Variants in NCKAP5 observed in about 807,000 individuals in gnomAD.
The protein encoded by NCKAP5 is nck-associated protein 5.
A neutral mutation model predicts 167.0 loss-of-function variants in NCKAP5; 92 were observed. The ratio of observed to expected loss-of-function variants is 0.55; its 90% confidence interval spans 0.47 to 0.66. The LOEUF is 0.66. Ranked by LOEUF, NCKAP5 falls within the 30% of genes least tolerant of loss-of-function variation. The probability of loss-of-function intolerance (pLI) is 0.00; values close to 1 mark genes in which losing one functional copy is unlikely to be tolerated. For synonymous variants in NCKAP5, 891 were observed against 877.4 expected, an observed-to-expected ratio of 1.02 and a Z score of -0.27; for missense variants, 2,378 against 2,315.0, an observed-to-expected ratio of 1.03 and a Z score of -0.56.
chr2:133,266,304 G>C (rs1416931710), intron 4 of NCKAP5: 1 of 152,438 alleles, frequency 6.6e-6, no homozygotes, highest in Admixed American at 6.5e-5. Context: ...ATGGTAAAGG[G>C]GAAAGGACAG....
At chr2:132,903,177 C>T (rs538321398) in intron 8 of NCKAP5, among the ~76,000 whole-genome samples, 1 of 152,264 alleles carries the variant, frequency 6.6e-6, no homozygotes, top group South Asian at 2.1e-4. Flanking sequence ...CAGCTCCCAC[C>T]CCCCTTGCCA....
chr2:132,788,897 C>T (rs144386935), intron 13 of NCKAP5, among the ~76,000 whole-genome samples: 252 of 152,258 alleles, frequency 1.7e-3, no homozygotes, highest in African/African-American at 5.9e-3. Flanking sequence ...ATACACATTT[C>T]AAATGTCTTC....
At chr2:133,284,066 A>C (rs1189603374) in intron 4 of NCKAP5, among the ~76,000 whole-genome samples, 1 of 152,176 alleles carries the variant, frequency 6.6e-6, no homozygotes, top group Non-Finnish European at 1.5e-5. Context: ...AAAATAATCA[A>C]GAAAACAACA....
At chr2:133,673,406 G>A in the NCKAP5 span, among the ~76,000 whole-genome samples, 18 of 152,058 alleles carry the variant, frequency 1.2e-4, no homozygotes, top group Admixed American at 2.0e-4. Flanking sequence ...AGCTTTCTGC[G>A]TTCACACATG....
chr2:132,935,801 C>G lies in NCKAP5; in HGVS notation c.579+27919G>C, dbSNP rs555219162. The stretch of plus-strand genomic sequence containing the variant: ...GAAGATGGAGTAGAGAGGATGAGTT[C>G]AAAGGCCATGCCAATGACAAGCTAC... On this transcript the variant is annotated intron_variant, in intron 8 of 19. Coordinates refer to ENST00000409261, the MANE Select transcript of NCKAP5 (RefSeq NM_207363.3). Among the ~76,000 whole-genome samples the G allele has an allele frequency of 1.5e-3, 226 of 152,160 alleles. 1 individual carries two copies. Among genetic ancestry groups the G allele is most frequent in the Non-Finnish European group, 2.9e-3 (196 of 68,014 alleles).
intron 4 of NCKAP5, among the ~76,000 whole-genome samples, chr2:133,255,685 G>C (rs1215399108): frequency 6.6e-6 from 1 of 152,198 alleles, no homozygotes. Flanking sequence ...TGGCAGCTAA[G>C]AGTATTAAAA....
At chr2:133,132,237 A>G (rs899766202) in intron 5 of NCKAP5, among the ~76,000 whole-genome samples, 7 of 151,310 alleles carry the variant, frequency 4.6e-5, no homozygotes, top group African/African-American at 1.7e-4. Context: ...CAGTGAGCCG[A>G]GATTACACCA....
chr2:133,234,942 A>G (rs16855557), intron 4 of NCKAP5, among the ~76,000 whole-genome samples: 5,007 of 144,976 alleles, frequency 0.035, 280 homozygotes, highest in African/African-American at 0.12. Context: ...AATTGGCCTT[A>G]AGACAGAAAT....
intron 19 of NCKAP5, among the ~76,000 whole-genome samples, chr2:132,688,095 G>A (rs575263602): frequency 1.3e-5 from 2 of 152,248 alleles, no homozygotes; most frequent in African/African-American, 4.8e-5. Flanking sequence ...ATTAATCTGT[G>A]AATGAATTAT....
chr2:132,803,588 C>T (rs888593026), intron 11 of NCKAP5, among the ~76,000 whole-genome samples: 2 of 152,198 alleles, frequency 1.3e-5, no homozygotes, highest in Non-Finnish European at 2.9e-5. Flanking sequence ...GTCTCTGCAG[C>T]TTAGACTGAT....
chr2:132,707,421 G>A (rs1688467280), intron 19 of NCKAP5, among the ~76,000 whole-genome samples: 1 of 152,224 alleles, frequency 6.6e-6, no homozygotes, highest in South Asian at 2.1e-4. Context: ...AAACTTGAAA[G>A]GCAGTCTGGG....
chr2:133,374,726 C>T (rs777008103), intron 3 of NCKAP5, among the ~76,000 whole-genome samples: 2 of 152,102 alleles, frequency 1.3e-5, no homozygotes, highest in Non-Finnish European at 2.9e-5. Context: ...CTTAAAACTG[C>T]TCTCAAAAAT....
the NCKAP5 span, among the ~76,000 whole-genome samples, chr2:133,579,818 A>C: frequency 1.3e-5 from 2 of 152,156 alleles, no homozygotes; most frequent in Non-Finnish European, 2.9e-5. Flanking sequence ...AGGTATACCC[A>C]GGCCCAATTT....
intron 3 of NCKAP5, among the ~76,000 whole-genome samples, chr2:133,346,708 G>C (rs938800448): frequency 6.6e-5 from 10 of 152,176 alleles, no homozygotes; most frequent in African/African-American, 2.4e-4. Flanking sequence ...CGAAATACAA[G>C]GATGAGAACT....
chr2:132,689,647 T>A (rs955460347), intron 19 of NCKAP5, among the ~76,000 whole-genome samples: 1 of 152,172 alleles, frequency 6.6e-6, no homozygotes, highest in East Asian at 1.9e-4. Flanking sequence ...TATCAGTCTC[T>A]GTCATCTGTC....
At chr2:132,848,856 C>T (rs1688870842) in intron 11 of NCKAP5, among the ~76,000 whole-genome samples, 1 of 152,032 alleles carries the variant, frequency 6.6e-6, no homozygotes, top group South Asian at 2.1e-4. Context: ...TAAAATAAAA[C>T]TTAAAAAGTG....
intron 7 of NCKAP5, among the ~76,000 whole-genome samples, chr2:132,988,019 GT>G (rs2077339279): frequency 6.6e-6 from 1 of 152,164 alleles, no homozygotes; most frequent in African/African-American, 2.4e-5. Context: ...TGCTCAGTAA[GT>G]GTTAGATAGT....
intron 4 of NCKAP5, among the ~76,000 whole-genome samples, chr2:133,250,487 T>C (rs1332468568): frequency 6.6e-6 from 1 of 152,128 alleles, no homozygotes; most frequent in East Asian, 1.9e-4. Flanking sequence ...AGCATGCAGG[T>C]GTGGTTCCTG....
At chr2:132,703,199 A>G (rs866333666) in intron 19 of NCKAP5, among the ~76,000 whole-genome samples, 1 of 152,204 alleles carries the variant, frequency 6.6e-6, no homozygotes, top group Non-Finnish European at 1.5e-5. Context: ...TAAAAAATTT[A>G]AAAAGTATTT....
Sources: allele counts gnomAD v4.1 joint callset (sites outside exome capture counted in the v4.1 genomes callset), GRCh38; gene constraint gnomAD v4.1.1; transcripts MANE v1.5; gene names NCBI Gene and HGNC (gene_info 2026-07-23, HGNC 2026-07-21).